The following PCDH7 variants were observed in gnomAD, a reference collection of about 807,000 sequenced individuals.
PCDH7 encodes the protein protocadherin-7.
PCDH7 carries 17 observed loss-of-function variants against 58.9 expected under a neutral mutation model. The observed-to-expected ratio is 0.29, with a 90% CI of 0.20 to 0.43. PCDH7 has a LOEUF of 0.43. PCDH7 is among the 20% of genes least tolerant of loss of function. The pLI, the probability that PCDH7 is intolerant of heterozygous loss-of-function variation, is 1.00. For synonymous variants in PCDH7, 664 were observed against 616.4 expected, an observed-to-expected ratio of 1.08 and a Z score of -1.14; for missense variants, 1,274 against 1,441.0, an observed-to-expected ratio of 0.88 and a Z score of 1.88.
chr4:31,090,678 T>C (rs1251429989), intron 3 of PCDH7, among the ~76,000 whole-genome samples: 1 of 152,090 alleles, frequency 6.6e-6, no homozygotes, highest in African/African-American at 2.4e-5. Flanking sequence ...ATATTTTTCT[T>C]CCTCTATAAC....
intron 3 of PCDH7, among the ~76,000 whole-genome samples, chr4:31,101,792 C>T (rs1049487108): frequency 2.0e-5 from 3 of 152,086 alleles, no homozygotes; most frequent in Non-Finnish European, 2.9e-5. Context: ...CAAGGCACTG[C>T]GAAGCATATT....
intron 1 of PCDH7, among the ~76,000 whole-genome samples, chr4:30,879,381 G>A (rs1280209501): frequency 6.6e-6 from 1 of 151,948 alleles, no homozygotes. Flanking sequence ...GCATTAAGAG[G>A]AAATTCTTTA....
At chr4:31,051,842 G>T (rs574738771) in intron 3 of PCDH7, among the ~76,000 whole-genome samples, 4,009 of 150,466 alleles carry the variant, frequency 0.027, 208 homozygotes, top group African/African-American at 0.093. Flanking sequence ...GTGGGGGGCG[G>T]GTAGGGGAAT....
intron 3 of PCDH7, among the ~76,000 whole-genome samples, chr4:31,123,318 A>G (rs951927942): frequency 1.3e-5 from 2 of 152,126 alleles, no homozygotes; most frequent in Non-Finnish European, 2.9e-5. Flanking sequence ...TCAATATTCT[A>G]TCTATCAAAT....
chr4:30,912,251 A>G (rs771824482), intron 1 of PCDH7, among the ~76,000 whole-genome samples: 1 of 152,182 alleles, frequency 6.6e-6, no homozygotes, highest in Non-Finnish European at 1.5e-5. Flanking sequence ...GTTCTGCCAG[A>G]TATAGTCCAA....
chr4:31,101,710 T>TTTTC (rs1396298302), intron 3 of PCDH7, among the ~76,000 whole-genome samples: 19 of 152,188 alleles, frequency 1.2e-4, no homozygotes, highest in Non-Finnish European at 4.4e-5. Flanking sequence ...GACCTTTAGA[T>TTTTC]TTTCCTTTCA....
intron 1 of PCDH7, among the ~76,000 whole-genome samples, chr4:30,882,171 C>CCTT (rs1737058442): frequency 6.9e-6 from 1 of 145,314 alleles, no homozygotes; most frequent in African/African-American, 2.5e-5. Flanking sequence ...TCCTCCCTCT[C>CCTT]TTCCCCTTCC....
intron 3 of PCDH7, among the ~76,000 whole-genome samples, chr4:31,028,249 T>C (rs1371687715): frequency 6.6e-6 from 1 of 152,150 alleles, no homozygotes; most frequent in Non-Finnish European, 1.5e-5. Context: ...TAAGAGGATT[T>C]AAGAATGTTC....
At chr4:30,819,756 G>A (rs1728141670) in intron 1 of PCDH7, among the ~76,000 whole-genome samples, 1 of 152,096 alleles carries the variant, frequency 6.6e-6, no homozygotes, top group Non-Finnish European at 1.5e-5. Context: ...AATTGGGCCG[G>A]ACAAAGAGCT....
chr4:30,935,333 T>G (rs1202049522), intron 2 of PCDH7: 1 of 983,358 alleles, frequency 1.0e-6, no homozygotes, highest in East Asian at 1.1e-4. Context: ...GGCCTCATAT[T>G]TAGCTGTAAA....
chr4:31,126,169 G>A (rs889451305), intron 3 of PCDH7, among the ~76,000 whole-genome samples: 1 of 148,822 alleles, frequency 6.7e-6, no homozygotes, highest in African/African-American at 2.5e-5. Context: ...TGTCATCCAG[G>A]CTGGAGTGCA....
intron 3 of PCDH7, among the ~76,000 whole-genome samples, chr4:31,134,920 C>T (rs968888263): frequency 1.3e-5 from 2 of 152,138 alleles, no homozygotes; most frequent in Non-Finnish European, 2.9e-5. Flanking sequence ...AGTATCACTT[C>T]TGCCACATTC....
At chr4:30,887,263 A>G (rs1033390648) in intron 1 of PCDH7, among the ~76,000 whole-genome samples, 5 of 152,150 alleles carry the variant, frequency 3.3e-5, no homozygotes, top group African/African-American at 1.2e-4. Flanking sequence ...TGAAATAACC[A>G]TTGTTTCTTT....
At chr4:31,134,752 G>A (rs1170523790) in intron 3 of PCDH7, among the ~76,000 whole-genome samples, 2 of 152,146 alleles carry the variant, frequency 1.3e-5, no homozygotes, top group African/African-American at 2.4e-5. Context: ...CTGGAGAACT[G>A]ACTAGGATAG....
chr4:30,885,225 T>G (rs1341734167), intron 1 of PCDH7: 1 of 152,160 alleles, frequency 6.6e-6, no homozygotes, highest in Non-Finnish European at 1.5e-5. Flanking sequence ...TTGTTACATT[T>G]TGATTAAGAG....
chr4:30,976,423 C>T (rs1285297364), intron 3 of PCDH7, among the ~76,000 whole-genome samples: 2 of 109,014 alleles, frequency 1.8e-5, no homozygotes, highest in African/African-American at 4.3e-5. Context: ...TTTTTTGAGA[C>T]GGAGTCTCAC....
At position 30,723,452 on chromosome 4, in the gene PCDH7, A is replaced by T. The variant is rs1481227728; in HGVS notation, c.2030A>T (p.Tyr677Phe). 1 of 1,614,184 alleles carries T rather than the reference A, an allele frequency of 6.2e-7. No individual in the cohort carries two copies. Among genetic ancestry groups the T allele is most frequent in the Non-Finnish European group, 8.5e-7 (1 of 1,180,024 alleles). Reference sequence around the variant, plus strand: ...GGGCGGAATGCAGAGATGAGCCTGTACATAGAGGAGAACAATAACATTTTT... The same window carrying T: ...GGGCGGAATGCAGAGATGAGCCTGTTCATAGAGGAGAACAATAACATTTTT... The change falls in exon 1 of 2, where the codon TAC (tyrosine) becomes TTC (phenylalanine). Residue 677 changes from tyrosine (Y) to phenylalanine (F), a missense_variant. Physicochemically the swap from Tyr to Phe is conservative, Grantham distance 22. Coordinates refer to ENST00000361762, the Ensembl canonical transcript of PCDH7. The surrounding 1 kb of genome is among the most constrained non-coding windows in gnomAD (Gnocchi z 4.6).
At chr4:30,968,965 T>C (rs1189240282) in intron 3 of PCDH7, among the ~76,000 whole-genome samples, 2 of 152,196 alleles carry the variant, frequency 1.3e-5, no homozygotes, top group African/African-American at 4.8e-5. Context: ...TATGAACTTA[T>C]GTAACAGCTT....
intron 3 of PCDH7, among the ~76,000 whole-genome samples, chr4:30,972,770 C>T (rs1441874633): frequency 6.6e-6 from 1 of 152,178 alleles, no homozygotes; most frequent in Non-Finnish European, 1.5e-5. Context: ...CACAATCACG[C>T]CTAGTCCATC....
Sources: allele counts gnomAD v4.1 joint callset (sites outside exome capture counted in the v4.1 genomes callset), GRCh38; gene constraint gnomAD v4.1.1; non-coding constraint Gnocchi (gnomAD v3.1); transcripts MANE v1.5; gene names NCBI Gene and HGNC (gene_info 2026-07-23, HGNC 2026-07-21).